Variants in BCKDHB observed in about 807,000 individuals in gnomAD.
BCKDHB encodes branched chain keto acid dehydrogenase E1 subunit beta, also known as 2-oxoisovalerate dehydrogenase subunit beta, mitochondrial.
A neutral mutation model predicts 48.5 loss-of-function variants in BCKDHB; 41 were observed. The observed-to-expected ratio is 0.85, with a 90% CI of 0.66 to 1.10. BCKDHB has a LOEUF of 1.10. Among genes scored for constraint, BCKDHB ranks in the 50% least tolerant of loss-of-function variants. BCKDHB has a pLI of 0.00. For missense variants in BCKDHB, 496 were observed against 494.2 expected (o/e 1.00, Z -0.03); for synonymous variants, 201 against 174.8 (o/e 1.15, Z -1.18).
At position 80,107,510 on chromosome 6, in the gene BCKDHB, T is replaced by C. The variant is rs1168724921; in HGVS notation, c.196+621T>C. ...ACGCGCATATATATGCATATATATG[T>C]GCGCATATATATATATATGCATATA... On this transcript the variant is annotated intron_variant, in intron 1 of 9. Transcript: ENST00000320393. Among the ~76,000 whole-genome samples, 397 of 117,694 alleles carry C rather than the reference T, an allele frequency of 3.4e-3. 5 individuals carry two copies. The highest frequency in any genetic ancestry group is 0.013 in the African/African-American group (357 of 27,636). 77.2% of individuals were successfully genotyped at this position (117,694 alleles called of 152,430 possible).
At chr6:80,372,557 T>C in the BCKDHB span, among the ~76,000 whole-genome samples, 1 of 152,106 alleles carries the variant, frequency 6.6e-6, no homozygotes, top group Non-Finnish European at 1.5e-5. Flanking sequence ...TCAACTTTTC[T>C]CTTTTCTGTA....
chr6:80,423,502 C>A, the BCKDHB span, among the ~76,000 whole-genome samples: 1 of 152,114 alleles, frequency 6.6e-6, no homozygotes, highest in Non-Finnish European at 1.5e-5. Flanking sequence ...CTTAGTCTTC[C>A]CCCTTCCCCA....
intron 9 of BCKDHB, chr6:80,307,349 T>C: frequency 1.1e-6 from 1 of 881,400 alleles, no homozygotes; most frequent in Non-Finnish European, 1.4e-6. Context: ...AGATATTTAA[T>C]AGGAATGTAA....
chr6:80,214,515 A>G (rs1258471748), intron 8 of BCKDHB, among the ~76,000 whole-genome samples: 3 of 152,106 alleles, frequency 2.0e-5, no homozygotes, highest in African/African-American at 7.2e-5. Flanking sequence ...GTTTGAGGGG[A>G]GCAGAGGGGG....
intron 9 of BCKDHB, among the ~76,000 whole-genome samples, chr6:80,295,060 C>T (rs954867555): frequency 2.6e-5 from 4 of 152,222 alleles, no homozygotes; most frequent in Admixed American, 6.5e-5. Flanking sequence ...ACAGTCCTAC[C>T]GATATGTGAT....
intron 1 of BCKDHB, among the ~76,000 whole-genome samples, chr6:80,112,458 C>T (rs1053936781): frequency 6.6e-6 from 1 of 152,166 alleles, no homozygotes; most frequent in African/African-American, 2.4e-5. Flanking sequence ...ATACATGCAC[C>T]TCCATCCCAC....
At chr6:80,120,845 G>C (rs1186223126) in intron 1 of BCKDHB, among the ~76,000 whole-genome samples, 1 of 152,094 alleles carries the variant, frequency 6.6e-6, no homozygotes, top group Non-Finnish European at 1.5e-5. Context: ...TTATTTTGCC[G>C]TGCAGAAGCT....
intron 6 of BCKDHB, among the ~76,000 whole-genome samples, chr6:80,189,841 T>G (rs1368924049): frequency 1.3e-5 from 2 of 152,128 alleles, no homozygotes; most frequent in East Asian, 1.9e-4. Flanking sequence ...TTAATACCCT[T>G]TCAGCATCTC....
At chr6:80,303,207 T>A (rs988397071) in intron 9 of BCKDHB, among the ~76,000 whole-genome samples, 3 of 152,162 alleles carry the variant, frequency 2.0e-5, no homozygotes, top group African/African-American at 7.2e-5. Context: ...TATATATATT[T>A]ATTATGCCTT....
At chr6:80,363,374 T>C in the BCKDHB span, among the ~76,000 whole-genome samples, 1 of 152,260 alleles carries the variant, frequency 6.6e-6, no homozygotes, top group African/African-American at 2.4e-5. Context: ...AGGGTTAATA[T>C]GTTTTTGGTT....
intron 8 of BCKDHB, among the ~76,000 whole-genome samples, chr6:80,213,864 C>G (rs1474600576): frequency 6.6e-6 from 1 of 151,974 alleles, no homozygotes; most frequent in Non-Finnish European, 1.5e-5. Flanking sequence ...TTGGGCATCT[C>G]TAGTCTCAAG....
At chr6:80,289,777 G>C (rs147955088) in intron 9 of BCKDHB, among the ~76,000 whole-genome samples, 5 of 152,238 alleles carry the variant, frequency 3.3e-5, no homozygotes, top group Non-Finnish European at 7.4e-5. Flanking sequence ...GAGACAGGCC[G>C]TTGGACAGCA....
chr6:80,353,330 C>G, the BCKDHB span, among the ~76,000 whole-genome samples: 10 of 152,270 alleles, frequency 6.6e-5, no homozygotes, highest in African/African-American at 1.9e-4. Flanking sequence ...CTATATAGTG[C>G]TATGATAAAC....
At chr6:80,341,423 C>G (rs965517731) in intron 9 of BCKDHB, among the ~76,000 whole-genome samples, 1 of 152,178 alleles carries the variant, frequency 6.6e-6, no homozygotes, top group Non-Finnish European at 1.5e-5. Context: ...TCTCTCACCT[C>G]CTTGTCATTC....
chr6:80,151,046 A>G (rs1158831910), intron 3 of BCKDHB, among the ~76,000 whole-genome samples: 1 of 152,214 alleles, frequency 6.6e-6, no homozygotes, highest in Admixed American at 6.6e-5. Context: ...ACTTATTCAC[A>G]CATGAATTCA....
chr6:80,248,886 T>TTG (rs1290899252), intron 8 of BCKDHB, among the ~76,000 whole-genome samples: 9 of 122,682 alleles, frequency 7.3e-5, no homozygotes, highest in South Asian at 6.0e-4. Flanking sequence ...GGTTGGAAGT[T>TTG]TGTGTGTGTG....
chr6:80,373,273 T>C, the BCKDHB span, among the ~76,000 whole-genome samples: 2 of 152,188 alleles, frequency 1.3e-5, no homozygotes, highest in Admixed American at 6.5e-5. Context: ...CTTTTGTACT[T>C]CTGTGGTTTC....
At chr6:80,447,112 A>T in the BCKDHB span, among the ~76,000 whole-genome samples, 1 of 152,256 alleles carries the variant, frequency 6.6e-6, no homozygotes, top group South Asian at 2.1e-4. Flanking sequence ...CTAAATAATA[A>T]AAACTAGTTT....
chr6:80,218,237 C>T (rs548437761), intron 8 of BCKDHB, among the ~76,000 whole-genome samples: 19 of 152,058 alleles, frequency 1.2e-4, no homozygotes, highest in African/African-American at 2.7e-4. Flanking sequence ...TAGGTTTTGT[C>T]GGTGGAGCCT....
Sources: gnomAD v4.1 joint callset for allele counts (sites outside exome capture counted in the v4.1 genomes callset) on GRCh38, gnomAD v4.1.1 for gene constraint, MANE v1.5 for transcripts, NCBI Gene and HGNC (gene_info 2026-07-23, HGNC 2026-07-21) for gene names.